The following IQCE variants were observed in gnomAD, a reference collection of about 807,000 sequenced individuals.
The protein encoded by IQCE is IQ motif containing E.
In IQCE, 115 loss-of-function variants were observed where a neutral mutation model predicts 96.0. The observed-to-expected ratio is 1.20, with a 90% CI of 1.03 to 1.40. The LOEUF (loss-of-function observed/expected upper bound fraction) is 1.40. Among genes scored for constraint, IQCE ranks in the 40% most tolerant of loss-of-function variants. IQCE has a pLI of 0.00. For missense variants in IQCE, 1,041 were observed against 909.1 expected, an observed-to-expected ratio of 1.15 and a Z score of -1.87; for synonymous variants, 412 against 371.2, an observed-to-expected ratio of 1.11 and a Z score of -1.26.
chr7:2,607,036 C>T (rs1215431026), intron 20 of IQCE, 88 bp from the exon 21 acceptor site: 9 of 1,260,828 alleles, frequency 7.1e-6, no homozygotes, highest in South Asian at 1.5e-5. Flanking sequence ...TACTTGCCTC[C>T]AAGCAAATTA....
intron 14 of IQCE, 92 bp from the exon 15 acceptor site, chr7:2,592,930 G>T (rs1783720678): frequency 6.5e-6 from 9 of 1,393,456 alleles, no homozygotes; most frequent in Non-Finnish European, 8.9e-6. Context: ...CTAAGGAAGG[G>T]CTGAGCACTG....
chr7:2,602,651 C>G (rs1348339705), intron 18 of IQCE, among the ~76,000 whole-genome samples: 2 of 152,218 alleles, frequency 1.3e-5, no homozygotes, highest in Non-Finnish European at 2.9e-5. Context: ...CGGGGCTTGA[C>G]TTCCCCCTGC....
intron 14 of IQCE, among the ~76,000 whole-genome samples, chr7:2,592,648 C>G (rs1007213440): frequency 6.6e-6 from 1 of 152,272 alleles, no homozygotes; most frequent in Non-Finnish European, 1.5e-5. Context: ...GTGCCACGGT[C>G]TAGGCGGGGC....
At chr7:2,574,528 C>T (rs929275741) in intron 6 of IQCE, among the ~76,000 whole-genome samples, 2 of 152,240 alleles carry the variant, frequency 1.3e-5, no homozygotes, top group Non-Finnish European at 2.9e-5. Flanking sequence ...ATTTTGAGCA[C>T]AGGTGGCAGC....
At position 2,610,185 on chromosome 7, in the gene IQCE, C is replaced by T. The variant is rs3735110; in HGVS notation, c.*23C>T. ...TAGGTCCCCGTCACTGTCTCCACGC[C>T]GTGATGGCAGCGCTGCCGAGGACAT... On this transcript the variant is annotated 3_prime_UTR_variant, in exon 22 of 22. Coordinates refer to ENST00000402050, the MANE Select transcript of IQCE (RefSeq NM_152558.5). 582,432 of 1,361,308 alleles carry T rather than the reference C, an allele frequency of 0.43. 127,951 individuals are homozygous for T. The highest frequency in any genetic ancestry group is 0.56 in the Admixed American group (33,168 of 59,646). 84.3% of individuals were successfully genotyped at this position (1,361,308 alleles called of 1,614,324 possible).
chr7:2,589,513 G>A (rs916356755), intron 13 of IQCE, among the ~76,000 whole-genome samples: 1 of 152,154 alleles, frequency 6.6e-6, no homozygotes, highest in African/African-American at 2.4e-5. Context: ...CGGGCTCAGC[G>A]GCACTTTGCA....
intron 16 of IQCE, chr7:2,597,996 AT>A (rs1227367898): frequency 6.6e-6 from 1 of 152,634 alleles, no homozygotes; most frequent in Admixed American, 6.5e-5. Context: ...AATGGTCGTT[AT>A]AGCAATCCTG....
intron 17 of IQCE, among the ~76,000 whole-genome samples, chr7:2,599,282 C>T (rs1244422624): frequency 3.9e-5 from 6 of 152,066 alleles, no homozygotes; most frequent in South Asian, 2.1e-4. Flanking sequence ...CTCCAACCTC[C>T]GCCTCCTGGG....
chr7:2,559,204 C>A lies in IQCE; in HGVS notation c.23C>A (p.Pro8Gln). The A allele has an allele frequency of 8.2e-7, 1 of 1,215,804 alleles. No homozygotes were observed. The highest frequency in any genetic ancestry group is 3.3e-5 in the East Asian group (1 of 30,240). The allele number at this position is 1,215,804 out of a possible 1,614,324, so 75.3% of individuals were successfully genotyped here. Residue 8 changes from proline to glutamine, a missense_variant, in exon 1 of 22, where the codon CCG (proline) becomes CAG (glutamine). By Grantham distance (76) the Pro-to-Gln change is moderately conservative. Transcript: ENST00000402050. ...ACCATGTTCCTGGGCACCGGGGAGC[C>A]GGCCTTGGACACGGTAAGAACGGGC... MFLGTGE[P>Q]ALDTGDDSLS...
At chr7:2,563,378 TGTGTGTGTG>T (rs1781115194) in intron 1 of IQCE, among the ~76,000 whole-genome samples, 2 of 100,296 alleles carry the variant, frequency 2.0e-5, no homozygotes, top group East Asian at 3.3e-4. Context: ...TTTTTTGTTG[TGTGTGTGTG>T]TGTGTGTGTG....
chr7:2,594,886 AG>A lies in IQCE; in HGVS notation c.1351del (p.Glu451ArgfsTer16). On this transcript the variant is annotated frameshift_variant and splice_region_variant, in exon 16 of 22. Transcript: ENST00000402050. LOFTEE classifies it high-confidence loss of function. ...CTCATCTTTTCCCTTTCCGCCTTAG[AG>A]AGGAGATTCAGACACTTACCAGCAA... Reference protein sequence around the residue: ...ERREREEVLREEIQTLTSKLQ... With the variant: ...ERREREEVLRXEIQTLTSKLQ... The A allele has an allele frequency of 6.2e-7, 1 of 1,608,328 alleles. No individual in the cohort carries two copies. The highest frequency in any genetic ancestry group is 8.5e-7 in the Non-Finnish European group (1 of 1,174,794).
intron 3 of IQCE, among the ~76,000 whole-genome samples, chr7:2,569,481 C>T (rs141764292): frequency 6.6e-6 from 1 of 152,132 alleles, no homozygotes; most frequent in African/African-American, 2.4e-5. Flanking sequence ...TGCCAGGGTT[C>T]TATTCTTCCT....
intron 1 of IQCE, among the ~76,000 whole-genome samples, chr7:2,561,322 T>C (rs1425813848): frequency 6.6e-6 from 1 of 152,230 alleles, no homozygotes; most frequent in Non-Finnish European, 1.5e-5. Context: ...GCCTATGCTT[T>C]TGTTAAATTT....
At chr7:2,560,665 CAG>C (rs1780878127) in intron 1 of IQCE, among the ~76,000 whole-genome samples, 2 of 151,846 alleles carry the variant, frequency 1.3e-5, no homozygotes, top group South Asian at 2.1e-4. Context: ...TTTTTTAAGA[CAG>C]AGTCTCTTGG....
At chr7:2,563,711 A>G (rs1042137306) in intron 1 of IQCE, among the ~76,000 whole-genome samples, 2 of 151,554 alleles carry the variant, frequency 1.3e-5, no homozygotes, top group African/African-American at 4.9e-5. Context: ...TGGCTAACAC[A>G]GTGAAACCCC....
intron 11 of IQCE, 123 bp from the exon 12 acceptor site, chr7:2,586,085 C>G: frequency 1.1e-6 from 1 of 885,358 alleles, no homozygotes; most frequent in East Asian, 2.7e-5. Flanking sequence ...AAATACTCAC[C>G]TGCAAAAACC....
Position 2,563,758 on chromosome 7 carries a change from G to T in IQCE, c.37-3358G>T, listed in dbSNP as rs1781149245. 2.6e-5 allele frequency among the ~76,000 whole-genome samples: 4 copies of T among 151,616 alleles called. No homozygotes were observed. In the South Asian group the frequency reaches 8.3e-4, roughly 32 times the overall value. The stretch of plus-strand genomic sequence containing the variant: ...AAATACAAAAAATTAGCCGGGCGTG[G>T]TGGCAGGCGCCTGTATTCCCAGTTA... On this transcript the variant is annotated intron_variant, in intron 1 of 21. Coordinates refer to ENST00000402050, the MANE Select transcript of IQCE (RefSeq NM_152558.5).
chr7:2,572,652 A>C, intron 5 of IQCE: 1 of 499,182 alleles, frequency 2.0e-6, no homozygotes, highest in Non-Finnish European at 3.9e-6. Context: ...ATAAATAATG[A>C]TAAAAAGTCC....
Position 2,610,517 on chromosome 7 carries a change from C to G in IQCE, c.*355C>G, listed in dbSNP as rs1299192608. 4.7e-6 allele frequency: 1 copy of G among 213,932 alleles called. No homozygotes were observed. Among genetic ancestry groups the G allele is most frequent in the African/African-American group, 2.3e-5 (1 of 42,990 alleles). The allele number at this position is 213,932 out of a possible 1,614,324, so 13.3% of individuals were successfully genotyped here. A position where few individuals can be genotyped will look rare whatever the true frequency, so the allele number is the denominator to read the frequency against. On this transcript the variant is annotated 3_prime_UTR_variant, in exon 22 of 22. Transcript: ENST00000402050. The stretch of plus-strand genomic sequence containing the variant: ...TGCCCACGACCTTGACCGTGAGGAG[C>G]TGCTATCCGCAACCAGCGCCGACAC...
Sources: allele counts gnomAD v4.1 joint callset (sites outside exome capture counted in the v4.1 genomes callset), GRCh38; gene constraint gnomAD v4.1.1; transcripts MANE v1.5; gene names NCBI Gene and HGNC (gene_info 2026-07-23, HGNC 2026-07-21).